Variants in ARFGEF3 observed in about 807,000 individuals in gnomAD.
ARFGEF3 encodes brefeldin A-inhibited guanine nucleotide-exchange protein 3.
A neutral mutation model predicts 221.7 loss-of-function variants in ARFGEF3; 96 were observed. The ratio of observed to expected loss-of-function variants is 0.43; its 90% CI spans 0.37 to 0.51. The LOEUF (loss-of-function observed/expected upper bound fraction) is 0.51. Among genes scored for constraint, ARFGEF3 ranks in the 20% least tolerant of loss-of-function variants. The pLI is 0.00. For synonymous variants in ARFGEF3, 1,145 were observed against 1,126.8 expected, an observed-to-expected ratio of 1.02 and a Z score of -0.32; for missense variants, 2,410 against 2,789.9, an observed-to-expected ratio of 0.86 and a Z score of 3.07.
Position 138,192,631 on chromosome 6 carries a change from G to A in ARFGEF3, c.138-14411G>A, listed in dbSNP as rs868608283. ...GTTAACTGCAGTGATTGTGGGTTGG[G>A]ATTGGTCTGCAGGCTGAGGTGTCCA... On this transcript the variant is annotated intron_variant, in intron 2 of 33. Transcript: ENST00000251691. Among the ~76,000 whole-genome samples the A allele has an allele frequency of 1.1e-4, 16 of 152,322 alleles. 1 individual carries two copies. Among genetic ancestry groups the A allele is most frequent in the Middle Eastern group, 3.4e-3 (1 of 294 alleles).
chr6:138,292,489 A>C (rs1043810921), intron 19 of ARFGEF3, among the ~76,000 whole-genome samples: 5 of 152,240 alleles, frequency 3.3e-5, no homozygotes, highest in African/African-American at 1.2e-4. Flanking sequence ...TCCCACATGC[A>C]TGTGTTACTT....
At chr6:138,310,362 C>T (rs1163363728) in intron 24 of ARFGEF3, among the ~76,000 whole-genome samples, 1 of 152,172 alleles carries the variant, frequency 6.6e-6, no homozygotes, top group Non-Finnish European at 1.5e-5. Context: ...AGCTATGGCC[C>T]ACAGTTTTTA....
chr6:138,340,541 C>G lies in ARFGEF3; in HGVS notation c.*4055C>G, dbSNP rs1780410451. ...GAATGAAGACCTTTGATAGTAATAG[C>G]AAGAGGTTACAAATAGCAGGGAGGA... On this transcript the variant is annotated 3_prime_UTR_variant, in exon 34 of 34. Transcript: ENST00000251691. 6.6e-6 allele frequency: 1 copy of G among 152,140 alleles called. No homozygotes were observed. Among genetic ancestry groups the G allele is most frequent in the Non-Finnish European group, 1.5e-5 (1 of 68,038 alleles). 9.4% of individuals were successfully genotyped at this position (152,140 alleles called of 1,614,324 possible). A position where few individuals can be genotyped will look rare whatever the true frequency, so the allele number is the denominator to read the frequency against.
chr6:138,162,168 C>T lies in ARFGEF3; in HGVS notation c.82C>T (p.Leu28=), dbSNP rs746288620. 3.8e-5 allele frequency: 60 copies of T among 1,597,780 alleles called. No individual in the cohort carries two copies. The highest frequency in any genetic ancestry group is 5.0e-5 in the Non-Finnish European group (58 of 1,171,552). The change falls in exon 1 of 34, where the codon CTG becomes TTG. Residue 28 remains leucine (L), a synonymous_variant. Coordinates refer to ENST00000251691, the MANE Select transcript of ARFGEF3 (RefSeq NM_020340.5). The surrounding 1 kb of genome is among the most constrained non-coding windows in gnomAD (Gnocchi z 4.7). ...CATCAAGGAGAGCTGCACCTGGGCC[C>T]TGGGTAAGCGTCCGGCACCTGCTCG... ...KAIKESCTWA[L]ETLGGLDTIV... is the part of the protein sequence containing the mutation.
chr6:138,307,429 G>T lies in ARFGEF3; in HGVS notation c.3973+32G>T, dbSNP rs1562387037. 5 of 1,587,452 alleles carry T rather than the reference G, an allele frequency of 3.1e-6. 1 individual carries two copies. In the Admixed American group the frequency reaches 8.5e-5, roughly 27 times the overall value. On this transcript the variant is annotated intron_variant, in intron 23 of 33. Transcript: ENST00000251691. ...ATGTTTGGATGATTCTTGCTATTCA[G>T]CATTAATTCTCTGTGCCAAGTTTCA...
chr6:138,269,782 G>A (rs184780338), intron 12 of ARFGEF3, among the ~76,000 whole-genome samples: 10 of 152,092 alleles, frequency 6.6e-5, no homozygotes, highest in South Asian at 2.1e-4. Context: ...ACTCCAGCCC[G>A]GGCAATAAGA....
At chr6:138,333,662 T>C (rs1016057966) in intron 32 of ARFGEF3, among the ~76,000 whole-genome samples, 2 of 152,172 alleles carry the variant, frequency 1.3e-5, no homozygotes, top group Non-Finnish European at 2.9e-5. Flanking sequence ...CAGGATGGTC[T>C]CGATCTCCTG....
At chr6:138,335,918 A>C (rs1811749389) in intron 33 of ARFGEF3, among the ~76,000 whole-genome samples, 1 of 152,168 alleles carries the variant, frequency 6.6e-6, no homozygotes, top group South Asian at 2.1e-4. Context: ...TTCTTCAGGG[A>C]GGCTTTGAGT....
At chr6:138,289,144 A>C (rs900634662) in intron 17 of ARFGEF3, among the ~76,000 whole-genome samples, 1 of 152,018 alleles carries the variant, frequency 6.6e-6, no homozygotes, top group African/African-American at 2.4e-5. Context: ...GTAGAGACAG[A>C]GTTTCTCCAT....
chr6:138,306,688 A>G (rs561861730), intron 22 of ARFGEF3, among the ~76,000 whole-genome samples: 4 of 152,154 alleles, frequency 2.6e-5, no homozygotes, highest in African/African-American at 7.2e-5. Flanking sequence ...TTGCAATTCA[A>G]TCATGGGAGG....
chr6:138,188,067 G>C lies in ARFGEF3; in HGVS notation c.137+17354G>C, dbSNP rs140605733. 4.3e-4 allele frequency among the ~76,000 whole-genome samples: 66 copies of C among 152,288 alleles called. No individual in the cohort carries two copies. The East Asian group carries it at 0.011, about 26-fold the overall frequency. Reference sequence around the variant, plus strand: ...TAGTGTTTATAATACTTGAGTATTTGTTTATTGAGAAATTCCCTTTTTCTC... The same window carrying C: ...TAGTGTTTATAATACTTGAGTATTTCTTTATTGAGAAATTCCCTTTTTCTC... On this transcript the variant is annotated intron_variant, in intron 2 of 33. Coordinates refer to ENST00000251691, the MANE Select transcript of ARFGEF3 (RefSeq NM_020340.5).
chr6:138,343,478 T>A lies in ARFGEF3; in HGVS notation c.*6992T>A, dbSNP rs545480918. 2 of 152,110 alleles carry A rather than the reference T, an allele frequency of 1.3e-5. No homozygotes were observed. Among genetic ancestry groups the A allele is most frequent in the South Asian group, 4.2e-4 (2 of 4,816 alleles). 9.4% of individuals were successfully genotyped at this position (152,110 alleles called of 1,614,324 possible). On this transcript the variant is annotated 3_prime_UTR_variant, in exon 34 of 34. Coordinates refer to ENST00000251691, the MANE Select transcript of ARFGEF3 (RefSeq NM_020340.5). ...GGGTGTTTTTTTTTGGTTTTTTTTT[T>A]ACTTTAGTTTCCCATAATTTTTGGA...
chr6:138,319,722 T>C lies in ARFGEF3; in HGVS notation c.4494T>C (p.Tyr1498=). Residue 1498 remains tyrosine, a synonymous_variant, in exon 28 of 34, where the codon TAT becomes TAC. Transcript: ENST00000251691. ...TKTPGPGFGI[Y]AVVHLLLPVM... The stretch of plus-strand genomic sequence containing the variant: ...TTTCAGGACCAGGGTTTGGTATCTA[T>C]GCAGTGGTTCACCTCCTCCTTCCTG... The C allele has an allele frequency of 1.2e-6, 2 of 1,611,242 alleles. No individual in the cohort carries two copies. Among genetic ancestry groups the C allele is most frequent in the South Asian group, 1.1e-5 (1 of 90,496 alleles).
chr6:138,222,893 A>G (rs1022336274), intron 4 of ARFGEF3, among the ~76,000 whole-genome samples: 2 of 152,066 alleles, frequency 1.3e-5, no homozygotes, highest in African/African-American at 2.4e-5. Flanking sequence ...CTGAGTCTCC[A>G]GTGTCTATTA....
chr6:138,244,953 A>G (rs1459019386), intron 7 of ARFGEF3, among the ~76,000 whole-genome samples: 1 of 152,200 alleles, frequency 6.6e-6, no homozygotes, highest in African/African-American at 2.4e-5. Context: ...ATTTTTATTA[A>G]TAAGAAACAA....
At chr6:138,302,432 C>G (rs928421723) in intron 22 of ARFGEF3, among the ~76,000 whole-genome samples, 1 of 152,040 alleles carries the variant, frequency 6.6e-6, no homozygotes, top group Non-Finnish European at 1.5e-5. Flanking sequence ...CAAAAATAAA[C>G]AAAGCCTCAG....
rs757929825 is a variant in ARFGEF3, at chr6:138,263,624, T to C, written c.2128+13T>C. 20 of 1,581,964 alleles carry C rather than the reference T, an allele frequency of 1.3e-5. No homozygotes were observed. The highest frequency in any genetic ancestry group is 1.7e-5 in the Non-Finnish European group (20 of 1,166,282). On this transcript the variant is annotated intron_variant, in intron 12 of 33. Transcript: ENST00000251691. ...ACTTTCTGCTCAGGTTTGTAAACAATTCTCTGCTGTATAGTCAACAAGATT... is the reference window on the plus strand; with the variant it reads ...ACTTTCTGCTCAGGTTTGTAAACAACTCTCTGCTGTATAGTCAACAAGATT...
In ARFGEF3 at chr6:138,307,256, G is replaced by C. The variant is rs547616820; in HGVS notation, c.3832G>C (p.Val1278Leu). ...CCACTTGCTTTGCCTCTACCAGGTT[G>C]TCACATCCATTGGTGAGCTGGTTGA... is the stretch of plus-strand genomic sequence containing the variant. ...LCDEDVQDQV[V>L]TSIGELVEVC... The change falls in exon 23 of 34, where the codon GTC becomes CTC. Residue 1278 changes from valine (V) to leucine (L), a missense_variant. Transcript: ENST00000251691. The C allele has an allele frequency of 1.2e-6, 2 of 1,613,556 alleles. No homozygotes were observed. Among genetic ancestry groups the C allele is most frequent in the Admixed American group, 1.7e-5 (1 of 60,024 alleles).
At chr6:138,258,310 C>G (rs1778722658) in intron 10 of ARFGEF3, among the ~76,000 whole-genome samples, 1 of 152,236 alleles carries the variant, frequency 6.6e-6, no homozygotes, top group African/African-American at 2.4e-5. Flanking sequence ...TTAATTGCAA[C>G]AGGCTAGATA....
Sources: allele counts gnomAD v4.1 joint callset (sites outside exome capture counted in the v4.1 genomes callset), GRCh38; gene constraint gnomAD v4.1.1; non-coding constraint Gnocchi (gnomAD v3.1); transcripts MANE v1.5; gene names NCBI Gene and HGNC (gene_info 2026-07-23, HGNC 2026-07-21).